Variants in SEPTIN7 observed in about 807,000 individuals in gnomAD.
The protein encoded by SEPTIN7 is septin 7.
Under a neutral mutation model 63.3 loss-of-function variants are expected in SEPTIN7, and 10 were observed. That is an observed-to-expected ratio of 0.16 (90% CI 0.10 to 0.27). The LOEUF (loss-of-function observed/expected upper bound fraction) is 0.27, where lower values mean the gene tolerates loss of function less well. Ranked by LOEUF, SEPTIN7 falls within the 10% of genes least tolerant of loss-of-function variation. The probability of loss-of-function intolerance (pLI) is 1.00; values close to 1 mark genes in which losing one functional copy is unlikely to be tolerated. For synonymous variants in SEPTIN7, 131 were observed against 165.3 expected (o/e 0.79, Z 1.59); for missense variants, 310 against 521.0 (o/e 0.59, Z 3.94).
At chr7:35,832,136 A>G (rs1308434403) in intron 2 of SEPTIN7, 7 of 454,050 alleles carry the variant, frequency 1.5e-5, no homozygotes, top group Admixed American at 4.7e-5. Flanking sequence ...TAAAAAACCA[A>G]TAGAAAATGA....
chr7:35,839,614 G>A lies in SEPTIN7; in HGVS notation c.169+6714G>A, dbSNP rs566147847. Among the ~76,000 whole-genome samples the A allele has an allele frequency of 8.5e-5, 13 of 152,070 alleles. No individual in the cohort carries two copies. In the South Asian group the frequency reaches 1.3e-3, roughly 15 times the overall value. ...TGTTGACCAGGCTGGAGTACAGTGC[G>A]CTATCTCGGCTCACTGCAACCTCCA... On this transcript the variant is annotated intron_variant, in intron 3 of 13. Coordinates refer to ENST00000350320, the MANE Select transcript of SEPTIN7 (RefSeq NM_001788.6).
In SEPTIN7 at chr7:35,829,128, C is replaced by CTTTTTTTTTTTTTTTTTTT. The variant is rs71553032; in HGVS notation, c.62-2358_62-2340dup. On this transcript the variant is annotated intron_variant, in intron 1 of 13. Transcript: ENST00000350320. ...CACTTCATTATAGTTCATGGACCTTCTTTTTTTTTTTTTTTTTTTTTTTTG... is the reference window on the plus strand; with the variant it reads ...CACTTCATTATAGTTCATGGACCTTCTTTTTTTTTTTTTTTTTTTTTTTTTTTTTTTTTTTTTTTTTTTG... Among the ~76,000 whole-genome samples the CTTTTTTTTTTTTTTTTTTT allele has an allele frequency of 8.8e-4, 54 of 61,068 alleles. 11 individuals are homozygous for CTTTTTTTTTTTTTTTTTTT. Among genetic ancestry groups the CTTTTTTTTTTTTTTTTTTT allele is most frequent in the Non-Finnish European group, 1.2e-3 (40 of 34,546 alleles). The allele number at this position is 61,068 out of a possible 152,430, so 40.1% of individuals were successfully genotyped here. A position where few individuals can be genotyped will look rare whatever the true frequency, so the allele number is the denominator to read the frequency against.
At chr7:35,868,763 C>T (rs1286170698) in intron 4 of SEPTIN7, among the ~76,000 whole-genome samples, 2 of 152,072 alleles carry the variant, frequency 1.3e-5, no homozygotes, top group Non-Finnish European at 1.5e-5. Flanking sequence ...ATAGTGTAAA[C>T]GGTTGTCAAG....
chr7:35,844,813 G>A (rs961866627), intron 3 of SEPTIN7, among the ~76,000 whole-genome samples: 5 of 152,154 alleles, frequency 3.3e-5, no homozygotes, highest in Admixed American at 2.6e-4. Flanking sequence ...ATGTTGGCCA[G>A]GCTGATTTCC....
At chr7:35,908,663 C>T (rs1364676889), downstream of SEPTIN7, among the ~76,000 whole-genome samples, 3 of 152,196 alleles carry the variant, frequency 2.0e-5, no homozygotes, top group Admixed American at 6.5e-5. Flanking sequence ...TAGTCAGACA[C>T]TACCAACAAA....
chr7:35,832,809 C>T lies in SEPTIN7; in HGVS notation c.78C>T (p.Asn26=). ...TTTGCTTTTGTCAGCAACAGAAGAA[C>T]CTTGAAGGCTATGTGGGATTTGCCA... ...NSSTMVAQQK[N]LEGYVGFANL... Residue 26 remains asparagine, a synonymous_variant, in exon 3 of 14, where the codon AAC becomes AAT. Transcript: ENST00000350320. 1 of 1,606,414 alleles carries T rather than the reference C, an allele frequency of 6.2e-7. No homozygotes were observed. The highest frequency in any genetic ancestry group is 8.5e-7 in the Non-Finnish European group (1 of 1,173,406).
chr7:35,903,672 T>C (rs1055560894), intron 13 of SEPTIN7, among the ~76,000 whole-genome samples: 5 of 152,340 alleles, frequency 3.3e-5, no homozygotes, highest in Non-Finnish European at 5.9e-5. Context: ...ATACAACTAA[T>C]CAATTACTTT....
At chr7:35,804,835 GTTT>G (rs57782019) in intron 1 of SEPTIN7, among the ~76,000 whole-genome samples, 1 of 123,308 alleles carries the variant, frequency 8.1e-6, no homozygotes, top group Non-Finnish European at 1.7e-5. Context: ...TTCTTTTTTT[GTTT>G]TTTTTTTTTT....
rs370907473 is a variant in SEPTIN7 at position 35,843,449 on chromosome 7, C to CA, written c.169+10550dup. Among the ~76,000 whole-genome samples, 5 of 152,228 alleles carry CA rather than the reference C, an allele frequency of 3.3e-5. No individual in the cohort carries two copies. In the East Asian group the frequency reaches 9.7e-4, roughly 29 times the overall value. ...CATGGACACCTACCTCTGTCAGTCT[C>CA]ACGTAATGACTTTTGGACTGAATTT... On this transcript the variant is annotated intron_variant, in intron 3 of 13. Transcript: ENST00000350320.
At chr7:35,804,377 A>C (rs1788191712) in intron 1 of SEPTIN7, among the ~76,000 whole-genome samples, 1 of 152,212 alleles carries the variant, frequency 6.6e-6, no homozygotes, top group African/African-American at 2.4e-5. Context: ...AGCTTTGAGC[A>C]TGGGCTTGGG....
At chr7:35,847,570 A>T (rs1784745389) in intron 3 of SEPTIN7, 1 of 152,182 alleles carries the variant, frequency 6.6e-6, no homozygotes, top group East Asian at 1.9e-4. Context: ...ACTGTTCTTT[A>T]TTTGGAAATT....
intron 1 of SEPTIN7, among the ~76,000 whole-genome samples, chr7:35,815,664 A>G (rs1789012901): frequency 1.3e-5 from 2 of 152,216 alleles, no homozygotes; most frequent in South Asian, 4.1e-4. Flanking sequence ...CTGTTAGTTA[A>G]TATAGTATGC....
intron 3 of SEPTIN7, among the ~76,000 whole-genome samples, chr7:35,849,522 T>C (rs1411790973): frequency 4.6e-5 from 7 of 152,206 alleles, no homozygotes; most frequent in Non-Finnish European, 8.8e-5. Flanking sequence ...GCCTGGTTCC[T>C]AACAGGCCAC....
At chr7:35,883,766 G>A in intron 8 of SEPTIN7, 125 bp from the exon 9 acceptor site, 2 of 531,178 alleles carry the variant, frequency 3.8e-6, no homozygotes, top group Admixed American at 3.4e-5. Flanking sequence ...AAAAACTAAT[G>A]CAGAAACTAT....
chr7:35,801,620 C>T (rs1044671722), intron 1 of SEPTIN7, among the ~76,000 whole-genome samples: 20 of 152,270 alleles, frequency 1.3e-4, no homozygotes, highest in African/African-American at 4.6e-4. Context: ...CTTCGCCTTT[C>T]CTCAGTCTCC....
intron 12 of SEPTIN7, chr7:35,901,856 T>G (rs10257031): frequency 0.14 from 21,066 of 152,146 alleles, 1,797 homozygotes; most frequent in Middle Eastern, 0.23. Flanking sequence ...TTTCTGACAT[T>G]TCTTAGTAAC....
intron 9 of SEPTIN7, 60 bp from the exon 10 acceptor site, chr7:35,885,768 T>A: frequency 7.6e-7 from 1 of 1,321,346 alleles, no homozygotes; most frequent in Non-Finnish European, 1.1e-6. Context: ...TGTGAAATAT[T>A]TTTTGAAAAG....
chr7:35,882,914 GTATT>G (rs1403423033), intron 8 of SEPTIN7, among the ~76,000 whole-genome samples: 1 of 152,004 alleles, frequency 6.6e-6, no homozygotes, highest in Non-Finnish European at 1.5e-5. Context: ...AGACAAAAAT[GTATT>G]TATTTTGTCT....
chr7:35,847,551 T>A (rs1411943353), intron 3 of SEPTIN7: 1 of 152,340 alleles, frequency 6.6e-6, no homozygotes, highest in African/African-American at 2.4e-5. Context: ...TTGAAATTTT[T>A]AAAAAAGTAC....
Sources: gnomAD v4.1 joint callset for allele counts (sites outside exome capture counted in the v4.1 genomes callset) on GRCh38, gnomAD v4.1.1 for gene constraint, MANE v1.5 for transcripts, NCBI Gene and HGNC (gene_info 2026-07-23, HGNC 2026-07-21) for gene names.